The following VWA8 variants were observed in gnomAD, a reference collection of about 807,000 sequenced individuals.
VWA8 encodes the protein von Willebrand factor A domain containing 8.
VWA8 carries 221 observed loss-of-function variants against 241.5 expected under a neutral mutation model. The ratio of observed to expected loss-of-function variants is 0.91; its 90% confidence interval spans 0.82 to 1.02. The LOEUF (loss-of-function observed/expected upper bound fraction) is 1.02, where lower values mean the gene tolerates loss of function less well. Ranked by LOEUF, VWA8 falls within the 50% of genes least tolerant of loss-of-function variation. VWA8 has a pLI of 0.00. For synonymous variants in VWA8, 852 were observed against 827.1 expected, an observed-to-expected ratio of 1.03 and a Z score of -0.52; for missense variants, 2,322 against 2,328.7, an observed-to-expected ratio of 1.00 and a Z score of 0.06.
intron 2 of VWA8, among the ~76,000 whole-genome samples, chr13:41,933,476 C>T (rs1383297491): frequency 1.3e-5 from 2 of 151,982 alleles, no homozygotes; most frequent in Admixed American, 6.6e-5. Context: ...TTACAAATCA[C>T]ATATAGATGC....
chr13:41,836,898 C>T (rs555921843), intron 12 of VWA8, among the ~76,000 whole-genome samples: 5 of 152,212 alleles, frequency 3.3e-5, no homozygotes, highest in East Asian at 3.9e-4. Flanking sequence ...TTTCAATCTT[C>T]GGAGGGATAG....
intron 12 of VWA8, among the ~76,000 whole-genome samples, chr13:41,849,307 G>C (rs1395471369): frequency 6.6e-6 from 1 of 151,892 alleles, no homozygotes; most frequent in African/African-American, 2.4e-5. Flanking sequence ...CATTTCCAGG[G>C]GAAAAAATAT....
At chr13:41,803,510 AC>A (rs1251433472) in intron 17 of VWA8, among the ~76,000 whole-genome samples, 1 of 152,238 alleles carries the variant, frequency 6.6e-6, no homozygotes, top group Non-Finnish European at 1.5e-5. Context: ...AGCACGTCTC[AC>A]ATGGCAGCAG....
intron 20 of VWA8, among the ~76,000 whole-genome samples, chr13:41,765,078 G>C (rs2045770206): frequency 6.6e-6 from 1 of 151,946 alleles, no homozygotes; most frequent in African/African-American, 2.4e-5. Flanking sequence ...TGAGGGCCTG[G>C]AGTTAAGGAT....
chr13:41,574,308 CT>C (rs2044337097), intron 43 of VWA8, among the ~76,000 whole-genome samples: 1 of 151,974 alleles, frequency 6.6e-6, no homozygotes, highest in South Asian at 2.1e-4. Flanking sequence ...AAATCAAGAA[CT>C]CAATCTCTTT....
At chr13:41,691,491 T>C (rs772979977) in intron 31 of VWA8, 46 bp from the exon 32 acceptor site, 7 of 1,601,080 alleles carry the variant, frequency 4.4e-6, no homozygotes, top group Middle Eastern at 1.7e-4. Context: ...GTGAGGATAA[T>C]GGTTGAGTAA....
chr13:41,682,619 G>A (rs1295573114), intron 35 of VWA8, among the ~76,000 whole-genome samples: 1 of 152,126 alleles, frequency 6.6e-6, no homozygotes, highest in Non-Finnish European at 1.5e-5. Context: ...GTGGTGGCAT[G>A]TGCCTGTAGT....
At chr13:41,900,904 C>G (rs944685630) in intron 4 of VWA8, among the ~76,000 whole-genome samples, 1 of 152,094 alleles carries the variant, frequency 6.6e-6, no homozygotes, top group African/African-American at 2.4e-5. Context: ...TTTGGTTGCT[C>G]TACCATTTAC....
At chr13:41,830,696 A>C in intron 13 of VWA8, 54 bp from the exon 14 acceptor site, 1 of 1,484,468 alleles carries the variant, frequency 6.7e-7, no homozygotes, top group Non-Finnish European at 9.3e-7. Flanking sequence ...TGAACACTGA[A>C]GTTTTCAGAG....
chr13:41,815,316 T>TC (rs1870642674), intron 16 of VWA8, among the ~76,000 whole-genome samples: 1 of 152,128 alleles, frequency 6.6e-6, no homozygotes, highest in African/African-American at 2.4e-5. Context: ...ACCACCCTTA[T>TC]CCTCCCAAAA....
chr13:41,635,876 G>A (rs1226740115), intron 37 of VWA8, among the ~76,000 whole-genome samples: 1 of 152,048 alleles, frequency 6.6e-6, no homozygotes, highest in African/African-American at 2.4e-5. Flanking sequence ...ACAGCAGGGG[G>A]GTGCTGAGTT....
At chr13:41,907,465 TAG>T in intron 4 of VWA8, 119 bp downstream of exon 4, 1 of 767,542 alleles carries the variant, frequency 1.3e-6, no homozygotes, top group African/African-American at 1.7e-5. Context: ...TAAATCTGTC[TAG>T]AGAGAGCACA....
intron 4 of VWA8, among the ~76,000 whole-genome samples, chr13:41,901,983 A>G (rs1429190679): frequency 1.3e-5 from 2 of 150,036 alleles, no homozygotes; most frequent in East Asian, 1.9e-4. Context: ...TGATAGCAAC[A>G]TAACAACGAG....
chr13:41,601,019 A>G (rs1394776419), intron 40 of VWA8, among the ~76,000 whole-genome samples: 1 of 152,136 alleles, frequency 6.6e-6, no homozygotes, highest in Non-Finnish European at 1.5e-5. Flanking sequence ...AAGAAGATAG[A>G]ACCAGCTCTC....
chr13:41,581,441 T>C (rs1177072079), intron 42 of VWA8, among the ~76,000 whole-genome samples: 1 of 152,224 alleles, frequency 6.6e-6, no homozygotes, highest in Non-Finnish European at 1.5e-5. Context: ...CCTTTAAAAA[T>C]TTGTTAGCAG....
At chr13:41,926,560 T>C (rs1158544228) in intron 2 of VWA8, 1 of 546,750 alleles carries the variant, frequency 1.8e-6, no homozygotes, top group African/African-American at 1.9e-5. Context: ...ATGAAGGGAT[T>C]GATTTGAGGC....
chr13:41,886,558 T>C (rs1254085922), intron 7 of VWA8, among the ~76,000 whole-genome samples: 6 of 152,224 alleles, frequency 3.9e-5, no homozygotes, highest in African/African-American at 1.2e-4. Flanking sequence ...TGGCACTTAC[T>C]ATACCATGTT....
intron 37 of VWA8, among the ~76,000 whole-genome samples, chr13:41,634,389 A>T (rs1423390343): frequency 1.3e-5 from 2 of 152,178 alleles, no homozygotes; most frequent in Non-Finnish European, 2.9e-5. Context: ...GAGGTAGCTT[A>T]ACAGAACCCT....
chr13:41,868,615 T>A, intron 9 of VWA8, 138 bp from the exon 10 acceptor site: 1 of 1,095,304 alleles, frequency 9.1e-7, no homozygotes, highest in Non-Finnish European at 1.2e-6. Flanking sequence ...CCAAGGGCGG[T>A]GGCTCAGGCC....
Sources: gnomAD v4.1 joint callset for allele counts (sites outside exome capture counted in the v4.1 genomes callset) on GRCh38, gnomAD v4.1.1 for gene constraint, MANE v1.5 for transcripts, NCBI Gene and HGNC (gene_info 2026-07-23, HGNC 2026-07-21) for gene names.